The following SLC35D4 variants were observed in gnomAD, a reference collection of about 807,000 sequenced individuals.
SLC35D4 encodes solute carrier family 35 member D4, also known as UDP-N-acetylglucosamine transporter SLC35D4.
At chr18:23,373,660 G>C in the SLC35D4 span, 1 of 1,592,398 alleles carries the variant, frequency 6.3e-7, no homozygotes, top group Non-Finnish European at 8.6e-7. Context: ...ATACACCCAG[G>C]CTTCAGAGAA....
At chr18:23,241,215 A>AT in the SLC35D4 span, among the ~76,000 whole-genome samples, 1,682 of 149,330 alleles carry the variant, frequency 0.011, 19 homozygotes, top group Middle Eastern at 0.014. Context: ...GTGTCAGTAG[A>AT]TTTTTTTTTT....
the SLC35D4 span, chr18:23,260,144 C>A: frequency 6.6e-6 from 1 of 152,234 alleles, no homozygotes; most frequent in Admixed American, 6.5e-5. Flanking sequence ...CCTCCAGGGG[C>A]CCGAGCCCTT....
chr18:23,376,751 G>T, the SLC35D4 span: 4 of 455,218 alleles, frequency 8.8e-6, no homozygotes, highest in East Asian at 2.8e-4. Context: ...CAACCTCTTG[G>T]AACTGTGGAA....
At chr18:23,338,251 G>A in the SLC35D4 span, among the ~76,000 whole-genome samples, 2 of 152,210 alleles carry the variant, frequency 1.3e-5, no homozygotes, top group Non-Finnish European at 2.9e-5. Flanking sequence ...TATGCAGTGA[G>A]AGACCTTGTC....
the SLC35D4 span, among the ~76,000 whole-genome samples, chr18:23,371,935 G>GTTTTTTTGTTTTTTTTTTT: frequency 2.8e-5 from 1 of 35,478 alleles, no homozygotes; most frequent in African/African-American, 1.2e-4. Flanking sequence ...TGTTTTTTTT[G>GTTTTTTTGTTTTTTTTTTT]TTTTTTTTTT....
the SLC35D4 span, among the ~76,000 whole-genome samples, chr18:23,416,614 T>C: frequency 3.7e-4 from 56 of 152,272 alleles, no homozygotes; most frequent in Non-Finnish European, 6.5e-4. Flanking sequence ...CCATGGGAAC[T>C]GGAAATCCTG....
the SLC35D4 span, among the ~76,000 whole-genome samples, chr18:23,351,131 G>A: frequency 6.6e-5 from 10 of 152,178 alleles, no homozygotes; most frequent in Admixed American, 3.9e-4. Context: ...TGTGGACCGA[G>A]CACAGTGGCT....
At chr18:23,349,755 G>A in the SLC35D4 span, among the ~76,000 whole-genome samples, 49 of 152,116 alleles carry the variant, frequency 3.2e-4, no homozygotes, top group African/African-American at 1.1e-3. Flanking sequence ...CTTCTGCCAC[G>A]TCAAATCTGT....
At chr18:23,404,484 C>G in the SLC35D4 span, among the ~76,000 whole-genome samples, 1 of 151,678 alleles carries the variant, frequency 6.6e-6, no homozygotes, top group Non-Finnish European at 1.5e-5. Flanking sequence ...ACCATCCTGG[C>G]CAACATGGTG....
the SLC35D4 span, among the ~76,000 whole-genome samples, chr18:23,416,020 C>T: frequency 6.6e-6 from 1 of 152,118 alleles, no homozygotes; most frequent in Non-Finnish European, 1.5e-5. Flanking sequence ...CCAGCCTGAC[C>T]AACACGGTGA....
At chr18:23,307,132 C>T in the SLC35D4 span, among the ~76,000 whole-genome samples, 2 of 152,256 alleles carry the variant, frequency 1.3e-5, no homozygotes, top group Non-Finnish European at 2.9e-5. Context: ...TGTTCTCACC[C>T]TTCAACCGAA....
At chr18:23,340,973 T>C in the SLC35D4 span, among the ~76,000 whole-genome samples, 16 of 152,224 alleles carry the variant, frequency 1.1e-4, no homozygotes, top group Non-Finnish European at 1.8e-4. Flanking sequence ...CATGTGAGGA[T>C]TGAAATCTGC....
chr18:23,257,534 G>T, the SLC35D4 span: 1 of 708,820 alleles, frequency 1.4e-6, no homozygotes. Flanking sequence ...AGTCTTGGGT[G>T]TGTAGCCAAG....
At chr18:23,375,593 T>C in the SLC35D4 span, among the ~76,000 whole-genome samples, 25 of 152,310 alleles carry the variant, frequency 1.6e-4, no homozygotes, top group Admixed American at 1.6e-3. Context: ...AAATCTCTTA[T>C]ACATACTAAA....
the SLC35D4 span, among the ~76,000 whole-genome samples, chr18:23,311,804 C>T: frequency 1.3e-5 from 2 of 152,302 alleles, no homozygotes; most frequent in South Asian, 2.1e-4. Context: ...GATTACCTTC[C>T]TTTTTTGTAA....
At chr18:23,385,652 A>G in the SLC35D4 span, among the ~76,000 whole-genome samples, 4 of 152,162 alleles carry the variant, frequency 2.6e-5, no homozygotes, top group Non-Finnish European at 5.9e-5. Context: ...CGTGAGGGAC[A>G]GGAAGGTAGA....
the SLC35D4 span, chr18:23,385,022 T>C: frequency 6.2e-7 from 1 of 1,613,800 alleles, no homozygotes; most frequent in South Asian, 1.1e-5. Flanking sequence ...TACCCACAGA[T>C]GATAACTTCA....
the SLC35D4 span, among the ~76,000 whole-genome samples, chr18:23,436,829 G>T: frequency 0.31 from 47,522 of 151,946 alleles, 8,181 homozygotes; most frequent in Middle Eastern, 0.39. Flanking sequence ...GAGAAGGAAA[G>T]GGGGTTGGGG....
At chr18:23,328,631 A>G in the SLC35D4 span, among the ~76,000 whole-genome samples, 2 of 152,226 alleles carry the variant, frequency 1.3e-5, no homozygotes, top group South Asian at 4.1e-4. Flanking sequence ...CATACTGCCC[A>G]AGGTAATTTA....
Sources: gnomAD v4.1 joint callset for allele counts (sites outside exome capture counted in the v4.1 genomes callset) on GRCh38, gnomAD v4.1.1 for gene constraint, MANE v1.5 for transcripts, NCBI Gene and HGNC (gene_info 2026-07-23, HGNC 2026-07-21) for gene names.